SCARA5: variants seen among roughly 807,000 people sequenced by gnomAD.
SCARA5 encodes scavenger receptor class A member 5, also known as scavenger receptor class A, member 5 (putative).
In SCARA5, 45 loss-of-function variants were observed where a neutral mutation model predicts 46.3. The observed-to-expected ratio is 0.97, with a 90% CI of 0.76 to 1.24. SCARA5 has a LOEUF of 1.24. Ranked by LOEUF, SCARA5 falls within the 50% of genes most tolerant of loss-of-function variation. SCARA5 has a pLI of 0.00. For synonymous variants in SCARA5, 333 were observed against 306.5 expected (o/e 1.09, Z -0.90); for missense variants, 680 against 689.0 (o/e 0.99, Z 0.15).
chr8:27,911,852 T>C (rs1475143180), intron 4 of SCARA5, among the ~76,000 whole-genome samples: 2 of 152,126 alleles, frequency 1.3e-5, no homozygotes, highest in African/African-American at 2.4e-5. Flanking sequence ...TGAGGTTATA[T>C]TGGGGTAGGG....
chr8:27,937,160 A>G (rs1246395026), intron 3 of SCARA5, among the ~76,000 whole-genome samples: 1 of 152,214 alleles, frequency 6.6e-6, no homozygotes, highest in Non-Finnish European at 1.5e-5. Context: ...ATCAGTAGAT[A>G]GTAGTGAAAT....
At chr8:27,930,774 A>G (rs1807758738) in intron 3 of SCARA5, among the ~76,000 whole-genome samples, 1 of 152,208 alleles carries the variant, frequency 6.6e-6, no homozygotes, top group Non-Finnish European at 1.5e-5. Flanking sequence ...GGACTAATAC[A>G]TAGCTCAAGG....
intron 7 of SCARA5, among the ~76,000 whole-genome samples, chr8:27,902,933 G>A (rs1283722197): frequency 6.6e-6 from 1 of 152,158 alleles, no homozygotes; most frequent in Non-Finnish European, 1.5e-5. Context: ...AGGTGAGTGT[G>A]GGGGGTCCAG....
intron 6 of SCARA5, among the ~76,000 whole-genome samples, chr8:27,906,694 G>A (rs1399853702): frequency 6.6e-6 from 1 of 152,198 alleles, no homozygotes; most frequent in East Asian, 1.9e-4. Context: ...AGGATTTCTA[G>A]ATTTTTGTGT....
In SCARA5 at chr8:27,904,787, C is replaced by T; in HGVS notation, c.1144G>A (p.Gly382Arg). ...AGCAGAATGTCCTTACTGGCATCCC[C>T]AGCTCTGTCTCCTTTCTCTCCTTTC... is the stretch of plus-strand genomic sequence containing the variant. ...GEKGEKGDRA[G>R]DASGVEAPMM... The change falls in exon 7 of 9, where the codon GGG becomes AGG. Residue 382 changes from glycine to arginine, a missense_variant. Gly to Arg is a moderately radical substitution (Grantham distance 125). Coordinates refer to ENST00000354914, the MANE Select transcript of SCARA5 (RefSeq NM_173833.6). 6.2e-7 allele frequency: 1 copy of T among 1,614,000 alleles called. No homozygotes were observed. The highest frequency in any genetic ancestry group is 8.5e-7 in the Non-Finnish European group (1 of 1,179,862).
chr8:27,955,620 G>T (rs911716692), intron 3 of SCARA5, among the ~76,000 whole-genome samples: 3 of 152,164 alleles, frequency 2.0e-5, no homozygotes, highest in African/African-American at 7.2e-5. Context: ...ACCAGGGAGG[G>T]CCACTGCCCA....
At chr8:27,956,287 C>T (rs1169999745) in intron 3 of SCARA5, among the ~76,000 whole-genome samples, 2 of 152,112 alleles carry the variant, frequency 1.3e-5, no homozygotes, top group Non-Finnish European at 2.9e-5. Context: ...CATACATCCC[C>T]AAACCCATAA....
chr8:27,878,534 G>T (rs1806760107), intron 8 of SCARA5, among the ~76,000 whole-genome samples: 1 of 152,178 alleles, frequency 6.6e-6, no homozygotes, highest in Non-Finnish European at 1.5e-5. Flanking sequence ...TCTGTAGGAG[G>T]TCAGTGTGCT....
intron 3 of SCARA5, among the ~76,000 whole-genome samples, chr8:27,927,794 A>T (rs973689594): frequency 1.8e-4 from 28 of 152,220 alleles, no homozygotes; most frequent in Admixed American, 7.9e-4. Context: ...TTCTCAAAAA[A>T]AGTTATACTA....
At chr8:27,983,134 G>A (rs915409589) in intron 2 of SCARA5, among the ~76,000 whole-genome samples, 1 of 152,164 alleles carries the variant, frequency 6.6e-6, no homozygotes, top group Non-Finnish European at 1.5e-5. Context: ...CTGACCACCT[G>A]CCCAAGCCCA....
At chr8:27,947,458 G>A (rs887391273) in intron 3 of SCARA5, among the ~76,000 whole-genome samples, 14 of 145,744 alleles carry the variant, frequency 9.6e-5, no homozygotes, top group Admixed American at 2.2e-4. Flanking sequence ...CACAGCAGCC[G>A]AAAGATGGGA....
intron 2 of SCARA5, among the ~76,000 whole-genome samples, chr8:27,981,132 C>T (rs1808607859): frequency 6.6e-6 from 1 of 152,172 alleles, no homozygotes; most frequent in African/African-American, 2.4e-5. Context: ...GTAATCCTCC[C>T]ACAATGCCTG....
At chr8:27,975,884 G>A (rs1305210621) in intron 2 of SCARA5, among the ~76,000 whole-genome samples, 1 of 152,278 alleles carries the variant, frequency 6.6e-6, no homozygotes, top group African/African-American at 2.4e-5. Context: ...AGGAGAGCAC[G>A]GGAAGGAGAG....
chr8:27,881,557 C>A (rs185235135), intron 7 of SCARA5, among the ~76,000 whole-genome samples: 1,792 of 152,108 alleles, frequency 0.012, 41 homozygotes, highest in African/African-American at 0.042. Context: ...GGGTTGAAAA[C>A]CTAACTACTG....
chr8:27,879,864 G>A (rs1806784409), intron 7 of SCARA5, 98 bp from the exon 8 acceptor site: 6 of 1,183,278 alleles, frequency 5.1e-6, no homozygotes, highest in Non-Finnish European at 7.2e-6. Flanking sequence ...GTAGGAGGAA[G>A]AGAGGGCTGG....
rs1294383614 is a variant in SCARA5 at position 27,921,570 on chromosome 8, C to T, written c.916+1G>A. 16 of 1,545,768 alleles carry T rather than the reference C, an allele frequency of 1.0e-5. No individual in the cohort carries two copies. Among genetic ancestry groups the T allele is most frequent in the Middle Eastern group, 3.7e-4 (2 of 5,404 alleles). The stretch of plus-strand genomic sequence containing the variant: ...TGGAGGCAGCAAGGGCCTGGCGGTA[C>T]CTTTCGCGAGGGAGATGTTCCGCAG... On this transcript the variant is annotated splice_donor_variant, in intron 4 of 8. Coordinates refer to ENST00000354914, the MANE Select transcript of SCARA5 (RefSeq NM_173833.6). LOFTEE classifies it high-confidence loss of function.
At chr8:27,963,696 G>C (rs1808324081) in intron 3 of SCARA5, among the ~76,000 whole-genome samples, 1 of 152,080 alleles carries the variant, frequency 6.6e-6, no homozygotes, top group Non-Finnish European at 1.5e-5. Flanking sequence ...TCAGTATTTG[G>C]GCAAGAAGAT....
intron 1 of SCARA5, among the ~76,000 whole-genome samples, chr8:27,991,590 C>T (rs535441616): frequency 3.9e-5 from 6 of 152,228 alleles, no homozygotes; most frequent in African/African-American, 1.2e-4. Flanking sequence ...TCTGGGTACC[C>T]GCATCTAACT....
rs772210832 is a variant in SCARA5, at chr8:27,921,868, C to T, written c.619G>A (p.Asp207Asn). Residue 207 changes from aspartate to asparagine, a missense_variant, in exon 4 of 9, where the codon GAC becomes AAC. By Grantham distance (23) the Asp-to-Asn change is conservative. Coordinates refer to ENST00000354914, the MANE Select transcript of SCARA5 (RefSeq NM_173833.6). ...ATGCCCACCCTGCGCGCCAGCCCGT[C>T]CAGCAGGCCCGCGTGGCGCCTCAGC... ...LLLRRHAGLL[D>N]GLARRVGILG... 1.5e-5 allele frequency: 22 copies of T among 1,505,742 alleles called. No individual in the cohort carries two copies. Among genetic ancestry groups the T allele is most frequent in the Non-Finnish European group, 1.8e-5 (21 of 1,135,652 alleles). The allele number at this position is 1,505,742 out of a possible 1,614,324, so 93.3% of individuals were successfully genotyped here.
Sources: allele counts gnomAD v4.1 joint callset (sites outside exome capture counted in the v4.1 genomes callset), GRCh38; gene constraint gnomAD v4.1.1; transcripts MANE v1.5; gene names NCBI Gene and HGNC (gene_info 2026-07-23, HGNC 2026-07-21).